The following ITPR2 variants were observed in gnomAD, a reference collection of about 807,000 sequenced individuals.
ITPR2 encodes inositol 1,4,5-trisphosphate receptor type 2.
In ITPR2, 207 loss-of-function variants were observed where a neutral mutation model predicts 317.1. The observed-to-expected ratio is 0.65, with a 90% CI of 0.58 to 0.73. The LOEUF (loss-of-function observed/expected upper bound fraction) is 0.73, where lower values mean the gene tolerates loss of function less well. Ranked by LOEUF, ITPR2 falls within the 30% of genes least tolerant of loss-of-function variation. The probability of loss-of-function intolerance (pLI) is 0.00; values close to 1 mark genes in which losing one functional copy is unlikely to be tolerated. For missense variants in ITPR2, 2,613 were observed against 3,284.0 expected (o/e 0.80, Z 4.99); for synonymous variants, 1,156 against 1,149.1 (o/e 1.01, Z -0.12).
At chr12:26,427,399 C>T (rs752117918) in intron 49 of ITPR2, among the ~76,000 whole-genome samples, 19 of 152,074 alleles carry the variant, frequency 1.2e-4, no homozygotes, top group Non-Finnish European at 2.2e-4. Flanking sequence ...TTTCAAAATT[C>T]GGTCAAAAAA....
intron 55 of ITPR2, among the ~76,000 whole-genome samples, chr12:26,372,921 A>G (rs923554529): frequency 6.6e-6 from 1 of 152,220 alleles, no homozygotes; most frequent in Non-Finnish European, 1.5e-5. Flanking sequence ...CAGAATCACC[A>G]TTTAATTTTC....
In ITPR2 at chr12:26,445,279, G is replaced by A. The variant is rs368397884; in HGVS notation, c.6343-1629C>T. 3.2e-4 allele frequency among the ~76,000 whole-genome samples: 49 copies of A among 152,272 alleles called. 1 individual carries two copies. Among genetic ancestry groups the A allele is most frequent in the African/African-American group, 1.2e-3 (48 of 41,564 alleles). ...AGGACTTTGGTTTTGGACATATGAA[G>A]CTTTAGACGAGGAGCGGGCTGTTGG... On this transcript the variant is annotated intron_variant, in intron 45 of 56. Transcript: ENST00000381340.
chr12:26,535,861 T>A (rs1261117332), intron 37 of ITPR2, among the ~76,000 whole-genome samples: 1 of 152,124 alleles, frequency 6.6e-6, no homozygotes, highest in Admixed American at 6.5e-5. Flanking sequence ...AAGAAAGGAA[T>A]CCAAAAAGAA....
At chr12:26,452,046 GCAAGTTCTCTGGCCCGACCT>G in intron 45 of ITPR2, among the ~76,000 whole-genome samples, 1 of 152,174 alleles carries the variant, frequency 6.6e-6, no homozygotes. Flanking sequence ...TGTTAGAAAT[GCAAGTTCTCTGGCCCGACCT>G]CAAGCCTCCC....
chr12:26,568,546 A>C (rs1293549180), intron 34 of ITPR2, among the ~76,000 whole-genome samples: 1 of 152,080 alleles, frequency 6.6e-6, no homozygotes, highest in Non-Finnish European at 1.5e-5. Flanking sequence ...AATATTGCTT[A>C]TTATATAAAA....
At chr12:26,790,327 TACCTTTCTTCACTAAGTA>T (rs1950320446) in intron 1 of ITPR2, 100 bp from the exon 2 acceptor site, 1 of 895,306 alleles carries the variant, frequency 1.1e-6, no homozygotes. Context: ...AAAGTTTTAA[TACCTTTCTTCACTAAGTA>T]ACTTTTTAAC....
rs74452230 is a variant in ITPR2, at chr12:26,658,679, T to C, written c.1886+434A>G. Among the ~76,000 whole-genome samples, 1,089 of 152,344 alleles carry C rather than the reference T, an allele frequency of 7.1e-3. 18 individuals are homozygous for C. Among genetic ancestry groups the C allele is most frequent in the African/African-American group, 0.025 (1,040 of 41,560 alleles). On this transcript the variant is annotated intron_variant, in intron 16 of 56. Transcript: ENST00000381340. ...ATGGTACAACAGAAAAAGAGCTTGA[T>C]GTGGAGTCAGAAGCCCTTGATTTAC...
chr12:26,537,951 G>C (rs1201050051), intron 37 of ITPR2, among the ~76,000 whole-genome samples: 1 of 152,170 alleles, frequency 6.6e-6, no homozygotes, highest in Non-Finnish European at 1.5e-5. Flanking sequence ...GAAGAAATCA[G>C]TAAATGGTAG....
intron 47 of ITPR2, 67 bp downstream of exon 47, chr12:26,439,060 G>T: frequency 1.1e-6 from 1 of 919,226 alleles, no homozygotes; most frequent in Middle Eastern, 2.2e-4. Context: ...GCTGCATCAT[G>T]TGTCCCAAAG....
At chr12:26,462,974 T>C (rs1414149878) in intron 45 of ITPR2, among the ~76,000 whole-genome samples, 1 of 152,134 alleles carries the variant, frequency 6.6e-6, no homozygotes, top group Non-Finnish European at 1.5e-5. Flanking sequence ...GCCTGAGCTA[T>C]AGTTAAGCTT....
At chr12:26,513,460 A>G (rs1248269073) in intron 37 of ITPR2, among the ~76,000 whole-genome samples, 1 of 152,074 alleles carries the variant, frequency 6.6e-6, no homozygotes, top group Non-Finnish European at 1.5e-5. Flanking sequence ...AATATAGGCC[A>G]GTTTGGGTCA....
At chr12:26,340,392 G>A in intron 55 of ITPR2, 64 bp from the exon 56 acceptor site, 2 of 1,428,504 alleles carry the variant, frequency 1.4e-6, no homozygotes, top group East Asian at 2.6e-5. Context: ...GTCTATAGCT[G>A]TTTATTATTA....
At chr12:26,366,334 C>T (rs182362117) in intron 55 of ITPR2, among the ~76,000 whole-genome samples, 18 of 152,230 alleles carry the variant, frequency 1.2e-4, no homozygotes, top group Non-Finnish European at 2.1e-4. Context: ...GCCAACAATT[C>T]TTTCTGCTAA....
intron 35 of ITPR2, among the ~76,000 whole-genome samples, chr12:26,560,094 A>G (rs1352225578): frequency 6.6e-6 from 1 of 152,194 alleles, no homozygotes; most frequent in Non-Finnish European, 1.5e-5. Flanking sequence ...TACTTACTTA[A>G]TGGATATCAA....
intron 2 of ITPR2, among the ~76,000 whole-genome samples, chr12:26,745,453 A>G (rs1250724029): frequency 6.6e-6 from 1 of 152,250 alleles, no homozygotes. Context: ...TTATTTTTCT[A>G]TAGCCCAAAC....
At chr12:26,811,294 G>A (rs1685590) in intron 1 of ITPR2, among the ~76,000 whole-genome samples, 1 of 152,102 alleles carries the variant, frequency 6.6e-6, no homozygotes, top group Non-Finnish European at 1.5e-5. Flanking sequence ...CACTGCTGAA[G>A]AGGAAACGTT....
intron 2 of ITPR2, among the ~76,000 whole-genome samples, chr12:26,744,176 C>G (rs1418269281): frequency 6.6e-6 from 1 of 152,222 alleles, no homozygotes; most frequent in African/African-American, 2.4e-5. Flanking sequence ...TTACTCAAAG[C>G]AAAAGCCAAA....
At chr12:26,456,954 G>A (rs1034840152) in intron 45 of ITPR2, among the ~76,000 whole-genome samples, 2 of 152,082 alleles carry the variant, frequency 1.3e-5, no homozygotes, top group Non-Finnish European at 2.9e-5. Context: ...TTACAGGTGC[G>A]AGCCACCATC....
intron 34 of ITPR2, among the ~76,000 whole-genome samples, chr12:26,563,630 A>C (rs1944876322): frequency 6.6e-6 from 1 of 151,980 alleles, no homozygotes; most frequent in Non-Finnish European, 1.5e-5. Flanking sequence ...AAATTCTCCA[A>C]CTCCTGCGCA....
Sources: gnomAD v4.1 joint callset for allele counts (sites outside exome capture counted in the v4.1 genomes callset) on GRCh38, gnomAD v4.1.1 for gene constraint, MANE v1.5 for transcripts, NCBI Gene and HGNC (gene_info 2026-07-23, HGNC 2026-07-21) for gene names.